NEDD9: variants seen among roughly 807,000 people sequenced by gnomAD.
NEDD9 encodes the protein enhancer of filamentation 1.
In NEDD9, 26 loss-of-function variants were observed where a neutral mutation model predicts 76.6. The ratio of observed to expected loss-of-function variants is 0.34; its 90% CI spans 0.25 to 0.47. The LOEUF (loss-of-function observed/expected upper bound fraction) is 0.47, where lower values mean the gene tolerates loss of function less well. NEDD9 is among the 20% of genes least tolerant of loss of function. NEDD9 has a pLI of 1.00. For synonymous variants in NEDD9, 392 were observed against 414.2 expected (o/e 0.95, Z 0.65); for missense variants, 937 against 1,058.5 (o/e 0.89, Z 1.59).
chr6:11,201,576 T>A (rs3778168), intron 2 of NEDD9, among the ~76,000 whole-genome samples: 2,169 of 152,212 alleles, frequency 0.014, 92 homozygotes, highest in East Asian at 0.13. Flanking sequence ...GACAGAGAGA[T>A]GGGATGGAGA....
At chr6:11,316,309 C>T (rs538081333) in intron 2 of NEDD9, among the ~76,000 whole-genome samples, 2 of 152,296 alleles carry the variant, frequency 1.3e-5, no homozygotes, top group African/African-American at 4.8e-5. Flanking sequence ...ATCTAGAGTT[C>T]CCCAGCTCAG....
intron 2 of NEDD9, among the ~76,000 whole-genome samples, chr6:11,204,273 T>C (rs1002679017): frequency 4.6e-5 from 7 of 152,240 alleles, no homozygotes; most frequent in African/African-American, 1.4e-4. Context: ...TCCAGAAATT[T>C]ACTACTTTTA....
At chr6:11,290,156 A>G (rs1037950541) in intron 3 of NEDD9, among the ~76,000 whole-genome samples, 5 of 152,066 alleles carry the variant, frequency 3.3e-5, no homozygotes, top group Non-Finnish European at 7.4e-5. Context: ...GCCTGTGTCC[A>G]TTTCCTCATT....
intron 2 of NEDD9, among the ~76,000 whole-genome samples, chr6:11,212,906 C>T (rs942415063): frequency 2.0e-5 from 3 of 152,100 alleles, no homozygotes; most frequent in Admixed American, 2.0e-4. Context: ...CAGGCTTGTA[C>T]GAGATTTGGT....
intron 2 of NEDD9, among the ~76,000 whole-genome samples, chr6:11,208,548 T>C (rs980667711): frequency 2.6e-5 from 4 of 152,258 alleles, no homozygotes; most frequent in Non-Finnish European, 5.9e-5. Flanking sequence ...CTTTGATTCT[T>C]GCTTCCACCT....
At chr6:11,253,329 T>C (rs1403883597) in intron 3 of NEDD9, among the ~76,000 whole-genome samples, 5 of 152,142 alleles carry the variant, frequency 3.3e-5, no homozygotes, top group Admixed American at 6.5e-5. Context: ...GCCTCCTCCA[T>C]TGAGGTTGCG....
intron 3 of NEDD9, among the ~76,000 whole-genome samples, chr6:11,262,048 G>A (rs1264614404): frequency 6.6e-6 from 1 of 152,108 alleles, no homozygotes; most frequent in Non-Finnish European, 1.5e-5. Context: ...GAAAAATTGA[G>A]AGCCTTATGT....
chr6:11,281,076 GAATATTTATTCAT>G (rs1172707045), intron 3 of NEDD9, among the ~76,000 whole-genome samples: 3 of 152,338 alleles, frequency 2.0e-5, no homozygotes, highest in African/African-American at 7.2e-5. Context: ...GAGAGATAAT[GAATATTTATTCAT>G]AACTTCCTAT....
chr6:11,306,112 T>A, exon 3 of NEDD9: 1 of 1,299,338 alleles, frequency 7.7e-7, no homozygotes, highest in South Asian at 1.2e-5. Flanking sequence ...GAACATATGA[T>A]GTTTGCCAGT....
intron 2 of NEDD9, among the ~76,000 whole-genome samples, chr6:11,313,382 T>G (rs1287303603): frequency 6.7e-6 from 1 of 149,180 alleles, no homozygotes; most frequent in Non-Finnish European, 1.5e-5. Context: ...GATGGGTGGA[T>G]GGATAGGTGA....
intron 1 of NEDD9, among the ~76,000 whole-genome samples, chr6:11,369,601 A>G (rs919582592): frequency 6.6e-6 from 1 of 152,166 alleles, no homozygotes; most frequent in African/African-American, 2.4e-5. Context: ...AAAGACAGAC[A>G]ATGTCTACTG....
chr6:11,304,978 ACAAT>A, intron 3 of NEDD9: 1 of 799,306 alleles, frequency 1.3e-6, no homozygotes, highest in Non-Finnish European at 1.7e-6. Context: ...CAGTGATATG[ACAAT>A]CAAACTTGTT....
At chr6:11,293,983 G>T (rs1339292421) in intron 3 of NEDD9, among the ~76,000 whole-genome samples, 2 of 149,520 alleles carry the variant, frequency 1.3e-5, no homozygotes, top group South Asian at 2.1e-4. Context: ...CTTCTTCAAG[G>T]CTGAATAGAA....
intron 3 of NEDD9, among the ~76,000 whole-genome samples, chr6:11,267,384 A>G (rs1446844023): frequency 9.6e-6 from 1 of 104,156 alleles, no homozygotes; most frequent in African/African-American, 4.5e-5. Context: ...GATGTCTTTG[A>G]AAAAAAAAAA....
intron 5 of NEDD9, among the ~76,000 whole-genome samples, chr6:11,188,705 A>T (rs1758043598): frequency 1.3e-5 from 2 of 152,180 alleles, no homozygotes; most frequent in African/African-American, 4.8e-5. Flanking sequence ...CCAAGGCAGT[A>T]GTTCCCACTG....
intron 3 of NEDD9, among the ~76,000 whole-genome samples, chr6:11,281,899 C>A (rs1398825016): frequency 6.6e-6 from 1 of 152,062 alleles, no homozygotes; most frequent in Non-Finnish European, 1.5e-5. Context: ...AGGCACACAC[C>A]ACCCCAACCA....
chr6:11,183,554 T>C lies in NEDD9; in HGVS notation c.*1608A>G, dbSNP rs979210336. The C allele has an allele frequency of 6.6e-6, 1 of 152,274 alleles. No homozygotes were observed. Among genetic ancestry groups the C allele is most frequent in the African/African-American group, 2.4e-5 (1 of 41,476 alleles). 9.4% of individuals were successfully genotyped at this position (152,274 alleles called of 1,614,324 possible). Reference sequence around the variant, plus strand: ...GAACATTTCCTTGTAATGTAATGTATGACTTTTAATCTTCTTTTGGCAGAG... The same window carrying C: ...GAACATTTCCTTGTAATGTAATGTACGACTTTTAATCTTCTTTTGGCAGAG... On this transcript the variant is annotated 3_prime_UTR_variant, in exon 7 of 7. Coordinates refer to ENST00000379446, the MANE Select transcript of NEDD9 (RefSeq NM_006403.4).
chr6:11,230,976 CA>C (rs1759453282), intron 1 of NEDD9, among the ~76,000 whole-genome samples: 1 of 152,114 alleles, frequency 6.6e-6, no homozygotes, highest in Non-Finnish European at 1.5e-5. Flanking sequence ...TTATACTTTC[CA>C]ATAATAGACA....
At chr6:11,282,467 C>T (rs1445297777) in intron 3 of NEDD9, among the ~76,000 whole-genome samples, 1 of 152,158 alleles carries the variant, frequency 6.6e-6, no homozygotes, top group African/African-American at 2.4e-5. Context: ...CCTCTGAAGC[C>T]CAGCTGTGTG....
Sources: allele counts gnomAD v4.1 joint callset (sites outside exome capture counted in the v4.1 genomes callset), GRCh38; gene constraint gnomAD v4.1.1; transcripts MANE v1.5; gene names NCBI Gene and HGNC (gene_info 2026-07-23, HGNC 2026-07-21).